The following TCEAL4 variants were observed in gnomAD, a reference collection of about 807,000 sequenced individuals.
TCEAL4 encodes transcription elongation factor A protein-like 4.
A neutral mutation model predicts 1.3 loss-of-function variants in TCEAL4; 1 was observed. That is an observed-to-expected ratio of 0.79 (90% confidence interval 0.28 to 3.76). The LOEUF (loss-of-function observed/expected upper bound fraction) is 3.76, where lower values mean the gene tolerates loss of function less well. TCEAL4 is among the 30% of genes most tolerant of loss of function. The pLI is 0.18. For synonymous variants in TCEAL4, 54 were observed against 50.7 expected (o/e 1.06, Z -0.28); for missense variants, 129 against 154.7 (o/e 0.83, Z 0.88).
chrX:103,586,612 C>T (rs1459420881), intron 2 of TCEAL4, 37 bp from the exon 3 acceptor site: 3 of 1,180,765 alleles, frequency 2.5e-6, no homozygotes, highest in Non-Finnish European at 3.4e-6. Flanking sequence ...CCCATGTCTC[C>T]TCTTTGTCTC....
rs554144723 is a variant in TCEAL4, at chrX:103,587,520, A to G, written c.*197A>G. ...AAAAACACAACTTGCAGAACCAAAT[A>G]TATGGCATCAGTACATTTTTGTAAA... On this transcript the variant is annotated 3_prime_UTR_variant, in exon 3 of 3. Transcript: ENST00000472484. 115 of 402,233 alleles carry G rather than the reference A, an allele frequency of 2.9e-4. No individual in the cohort carries two copies. In the East Asian group the frequency reaches 5.0e-3, roughly 17 times the overall value. 33.1% of individuals were successfully genotyped at this position (402,233 alleles called of 1,213,427 possible).
chrX:103,587,411 T>C lies in TCEAL4; in HGVS notation c.*88T>C. The C allele has an allele frequency of 2.0e-6, 2 of 1,023,863 alleles. No homozygotes were observed. The highest frequency in any genetic ancestry group is 2.6e-6 in the Non-Finnish European group (2 of 768,111). The allele number at this position is 1,023,863 out of a possible 1,213,427, so 84.4% of individuals were successfully genotyped here. On this transcript the variant is annotated 3_prime_UTR_variant, in exon 3 of 3. Transcript: ENST00000472484. ...CATCCCTCCTGTTGCTAGCAGCCTT[T>C]TGACCTATCTGCAATGCAGTGTTCT...
At chrX:103,581,312 C>G (rs1164487075), upstream of TCEAL4, among the ~76,000 whole-genome samples, 1 of 111,126 alleles carries the variant, frequency 9.0e-6, no homozygotes, top group African/African-American at 3.3e-5. Context: ...ACCAGAGGTA[C>G]AAAGAACAGC....
In TCEAL4 at chrX:103,586,852, A is replaced by G. The variant is rs1420300464; in HGVS notation, c.177A>G (p.Leu59=). ...GCAAAACAGGAGATGAGGAAATGTT[A>G]AAGGATAAAGGAAAGCCAGAGAGTG... The part of the protein sequence containing the change: ...NKGKTGDEEM[L]KDKGKPESEG... The change falls in exon 3 of 3, where the codon TTA becomes TTG. Residue 59 remains leucine, a synonymous_variant. Transcript: ENST00000472484. The G allele has an allele frequency of 3.3e-6, 4 of 1,197,612 alleles. No individual in the cohort carries two copies. The Admixed American group carries it at 6.9e-5, about 21-fold the overall frequency.
At chrX:103,586,166 G>A in intron 1 of TCEAL4, 53 bp from the exon 2 acceptor site, 2 of 1,161,752 alleles carry the variant, frequency 1.7e-6, no homozygotes, top group East Asian at 3.3e-5. Context: ...AACCGCGTCC[G>A]TGTGAGCCCG....
chrX:103,584,796 G>A (rs2073526861), upstream of TCEAL4, among the ~76,000 whole-genome samples: 1 of 112,688 alleles, frequency 8.9e-6, no homozygotes, highest in Admixed American at 9.3e-5. Flanking sequence ...CTGATTGGAT[G>A]TTGTTGACGT....
At chrX:103,579,078 T>A (rs965054285) in intron 2 of TCEAL4, among the ~76,000 whole-genome samples, 1 of 112,162 alleles carries the variant, frequency 8.9e-6, no homozygotes, top group Non-Finnish European at 1.9e-5. Flanking sequence ...TCAGCACCAT[T>A]TGTTAAAAAG....
At chrX:103,585,885 C>T (rs2073539605) in intron 1 of TCEAL4, 3 of 1,049,144 alleles carry the variant, frequency 2.9e-6, no homozygotes, top group Admixed American at 3.8e-5. Context: ...GCCCTCCGTC[C>T]ATTTTGGAGC....
intron 1 of TCEAL4, chrX:103,585,961 C>G: frequency 1.9e-6 from 2 of 1,076,843 alleles, no homozygotes; most frequent in Non-Finnish European, 2.4e-6. Context: ...CTGCCGTTCC[C>G]GTGCGTAGAG....
rs976911750 is a variant in TCEAL4, at chrX:103,586,994, G to C, written c.319G>C (p.Gly107Arg). 3 of 1,209,084 alleles carry C rather than the reference G, an allele frequency of 2.5e-6. No individual in the cohort carries two copies. Among genetic ancestry groups the C allele is most frequent in the Non-Finnish European group, 3.4e-6 (3 of 895,090 alleles). Residue 107 changes from glycine (G) to arginine (R), a missense_variant, in exon 3 of 3, where the codon GGG (glycine) becomes CGG (arginine). Physicochemically the swap from Gly to Arg is moderately radical, Grantham distance 125 (BLOSUM62 -2). This residue lies in a region of TCEAL4 where 116 missense variants were observed against 120.3 expected (regional missense o/e 0.96). Coordinates refer to ENST00000472484, the MANE Select transcript of TCEAL4 (RefSeq NM_001006935.3). ...AAAGCCAGAGAGTGAAGGAGAGCCA[G>C]GGAGTGAAACAAGGGCTGCAGGAAA... ...EGKPESEGEP[G>R]SETRAAGKRP...
At chrX:103,585,252 G>C (rs975123898), upstream of TCEAL4, among the ~76,000 whole-genome samples, 1 of 110,405 alleles carries the variant, frequency 9.1e-6, no homozygotes, top group Non-Finnish European at 1.9e-5. Context: ...CGATTTTATC[G>C]GGTGGGTCTA....
At chrX:103,584,379 CTT>C (rs1339573190), upstream of TCEAL4, among the ~76,000 whole-genome samples, 4 of 111,959 alleles carry the variant, frequency 3.6e-5, no homozygotes, top group Non-Finnish European at 7.5e-5. Context: ...GCATTTGTCT[CTT>C]TGTTGTACAG....
At chrX:103,580,775 A>G (rs1002836384), upstream of TCEAL4, among the ~76,000 whole-genome samples, 2 of 111,843 alleles carry the variant, frequency 1.8e-5, no homozygotes, top group African/African-American at 6.5e-5. Context: ...CTCTGTGGGT[A>G]CATCAAAAAG....
rs1210952971 is a variant in TCEAL4, at chrX:103,586,319, CAG to C, written c.-28+29_-28+30del. The C allele has an allele frequency of 3.1e-5, 36 of 1,162,884 alleles. No homozygotes were observed. The Admixed American group carries it at 8.8e-4, about 28-fold the overall frequency. On this transcript the variant is annotated intron_variant, in intron 2 of 2. Transcript: ENST00000472484. Reference sequence around the variant, plus strand: ...CCGTGAAAGTACGGGGCTGCATGGACAGGGGCCCACAAGGGTTGAGAGTGTGG... The same window carrying C: ...CCGTGAAAGTACGGGGCTGCATGGACGGGCCCACAAGGGTTGAGAGTGTGG...
rs775094673 is a variant in TCEAL4, at chrX:103,576,566, C to T, written c.63+34C>T. 19 of 792,792 alleles carry T rather than the reference C, an allele frequency of 2.4e-5. No individual in the cohort carries two copies. In the South Asian group the frequency reaches 4.1e-4, roughly 17 times the overall value. 65.3% of individuals were successfully genotyped at this position (792,792 alleles called of 1,213,427 possible). A position where few individuals can be genotyped will look rare whatever the true frequency, so the allele number is the denominator to read the frequency against. ...ATCACCTGAGGTCAGGAGTTTGAGG[C>T]CAGCCTGGCCAACATGGTGAAACCC... On this transcript the variant is annotated intron_variant, in intron 1 of 4. Transcript: ENST00000372629.
intron 1 of TCEAL4, chrX:103,585,960 C>T: frequency 4.6e-6 from 5 of 1,077,014 alleles, no homozygotes; most frequent in Non-Finnish European, 6.0e-6. Flanking sequence ...TCTGCCGTTC[C>T]CGTGCGTAGA....
upstream of TCEAL4, among the ~76,000 whole-genome samples, chrX:103,585,273 G>A (rs2073529662): frequency 9.1e-6 from 1 of 110,491 alleles, no homozygotes; most frequent in South Asian, 3.9e-4. Context: ...CGTTATTTCA[G>A]TGGAATTTAA....
chrX:103,586,597 A>G, intron 2 of TCEAL4, 52 bp from the exon 3 acceptor site: 1 of 1,153,379 alleles, frequency 8.7e-7, no homozygotes, highest in Admixed American at 2.5e-5. Context: ...CCATGCACTC[A>G]GTCTCCCATG....
At chrX:103,577,168 T>C (rs1249454147) in exon 2 of TCEAL4, 3 of 1,167,160 alleles carry the variant, frequency 2.6e-6, no homozygotes, top group East Asian at 6.5e-5. Flanking sequence ...ACATATCATA[T>C]GTGGAGCGGG....
Sources: allele counts gnomAD v4.1 joint callset (sites outside exome capture counted in the v4.1 genomes callset), GRCh38; gene constraint gnomAD v4.1.1; regional missense constraint gnomAD v4.1.1; transcripts MANE v1.5; gene names NCBI Gene and HGNC (gene_info 2026-07-23, HGNC 2026-07-21).